ARMC2: variants seen among roughly 807,000 people sequenced by gnomAD.
The protein encoded by ARMC2 is armadillo repeat-containing protein 2.
Under a neutral mutation model 90.3 loss-of-function variants are expected in ARMC2, and 67 were observed. That is an observed-to-expected ratio of 0.74 (90% CI 0.61 to 0.91). The LOEUF (loss-of-function observed/expected upper bound fraction) is 0.91, where lower values mean the gene tolerates loss of function less well. Ranked by LOEUF, ARMC2 falls within the 40% of genes least tolerant of loss-of-function variation. The probability of loss-of-function intolerance (pLI) is 0.00; values close to 1 mark genes in which losing one functional copy is unlikely to be tolerated. For synonymous variants in ARMC2, 393 were observed against 393.0 expected (o/e 1.00, Z 0.00); for missense variants, 920 against 1,030.9 (o/e 0.89, Z 1.47).
the ARMC2 span, among the ~76,000 whole-genome samples, chr6:109,014,366 A>C: frequency 2.6e-5 from 4 of 152,186 alleles, no homozygotes; most frequent in Admixed American, 1.3e-4. Flanking sequence ...TTATTTTACA[A>C]ATTTGTGACA....
the ARMC2 span, among the ~76,000 whole-genome samples, chr6:109,023,232 C>G: frequency 6.6e-6 from 1 of 152,180 alleles, no homozygotes; most frequent in Non-Finnish European, 1.5e-5. Flanking sequence ...TTATGGTTCC[C>G]CTTTGAAACT....
chr6:109,008,167 G>A, the ARMC2 span, among the ~76,000 whole-genome samples: 1 of 152,108 alleles, frequency 6.6e-6, no homozygotes, highest in Non-Finnish European at 1.5e-5. Flanking sequence ...GCTATCTTTA[G>A]AAATTCTAGA....
intron 4 of ARMC2, among the ~76,000 whole-genome samples, chr6:108,871,101 G>T (rs1194192554): frequency 2.6e-5 from 4 of 152,190 alleles, no homozygotes; most frequent in African/African-American, 9.6e-5. Flanking sequence ...CCACATGGAA[G>T]GAAAAGCGAG....
chr6:108,880,173 C>T (rs1252289362), intron 5 of ARMC2: 3 of 356,618 alleles, frequency 8.4e-6, no homozygotes, highest in African/African-American at 4.3e-5. Context: ...GCAAACTTTA[C>T]ACTGCAGTAT....
intron 12 of ARMC2, among the ~76,000 whole-genome samples, chr6:108,937,994 C>T (rs372991647): frequency 4.6e-5 from 7 of 152,312 alleles, no homozygotes; most frequent in South Asian, 2.1e-4. Flanking sequence ...GCCACTGCAC[C>T]CGGCCACAGG....
chr6:108,942,105 C>T (rs1490007622), intron 12 of ARMC2, among the ~76,000 whole-genome samples: 1 of 152,118 alleles, frequency 6.6e-6, no homozygotes, highest in African/African-American at 2.4e-5. Context: ...CTGCCCTATC[C>T]ACTACTGCGA....
At chr6:108,987,647 ACAT>A in the ARMC2 span, 1 of 1,362,030 alleles carries the variant, frequency 7.3e-7, no homozygotes, top group East Asian at 2.3e-5. Context: ...ATAAAATACA[ACAT>A]CATATAAGGA....
At chr6:109,026,477 C>G in the ARMC2 span, among the ~76,000 whole-genome samples, 1 of 152,058 alleles carries the variant, frequency 6.6e-6, no homozygotes, top group Non-Finnish European at 1.5e-5. Flanking sequence ...AGTGGAATGG[C>G]TAAATCATAT....
Position 108,973,483 on chromosome 6 carries a change from T to C in ARMC2, c.2573T>C (p.Phe858Ser). 6.2e-7 allele frequency: 1 copy of C among 1,613,474 alleles called. No homozygotes were observed. The highest frequency in any genetic ancestry group is 8.5e-7 in the Non-Finnish European group (1 of 1,179,586). The change falls in exon 18 of 18, where the codon TTC becomes TCC. Residue 858 changes from phenylalanine to serine, a missense_variant. Transcript: ENST00000392644. Reference sequence around the variant, plus strand: ...AACCGAATTCAGAGACATCACACCTTCCTGGAACCCCTGCCCATTCCCTCT... The same window carrying C: ...AACCGAATTCAGAGACATCACACCTCCCTGGAACCCCTGCCCATTCCCTCT... ...LLNRIQRHHT[F>S]LEPLPIPSF
the ARMC2 span, among the ~76,000 whole-genome samples, chr6:109,008,525 A>G: frequency 2.6e-5 from 4 of 152,226 alleles, no homozygotes; most frequent in African/African-American, 9.7e-5. Context: ...TATACTGATA[A>G]TAGACTCCAT....
chr6:109,002,475 A>G, the ARMC2 span: 4 of 659,402 alleles, frequency 6.1e-6, no homozygotes, highest in African/African-American at 7.2e-5. Flanking sequence ...TCATGGCTGT[A>G]TATACATACC....
At chr6:108,892,725 C>T (rs1323775642) in intron 5 of ARMC2, among the ~76,000 whole-genome samples, 1 of 149,050 alleles carries the variant, frequency 6.7e-6, no homozygotes, top group Admixed American at 6.7e-5. Context: ...CGCCATTGCA[C>T]TCCAGCCTGG....
chr6:108,849,532 T>TA (rs962738344), intron 1 of ARMC2, among the ~76,000 whole-genome samples: 42 of 151,862 alleles, frequency 2.8e-4, no homozygotes, highest in Admixed American at 5.9e-4. Flanking sequence ...AGTATAATAA[T>TA]AAAAAAAAAC....
chr6:108,992,254 A>G, the ARMC2 span, among the ~76,000 whole-genome samples: 1 of 152,046 alleles, frequency 6.6e-6, no homozygotes, highest in African/African-American at 2.4e-5. Flanking sequence ...ACATGCCACC[A>G]CACCTGGCTA....
At chr6:108,873,277 T>C (rs1384199788) in intron 4 of ARMC2, among the ~76,000 whole-genome samples, 2 of 152,244 alleles carry the variant, frequency 1.3e-5, no homozygotes, top group African/African-American at 4.8e-5. Context: ...CCGTTCTTAG[T>C]TTGCAGGCTA....
chr6:108,942,177 A>G (rs1216326691), intron 12 of ARMC2, among the ~76,000 whole-genome samples: 4 of 152,254 alleles, frequency 2.6e-5, no homozygotes, highest in Admixed American at 2.6e-4. Context: ...AAGTAAGCTC[A>G]TAAGTGCTGG....
chr6:108,948,924 C>G (rs1776987322), intron 12 of ARMC2, among the ~76,000 whole-genome samples: 1 of 152,044 alleles, frequency 6.6e-6, no homozygotes, highest in Non-Finnish European at 1.5e-5. Flanking sequence ...GGCAAATCAA[C>G]ACGGATAGCT....
chr6:108,899,829 T>G lies in ARMC2; in HGVS notation c.847+37T>G, dbSNP rs564974999. 5.6e-6 allele frequency: 8 copies of G among 1,422,096 alleles called. No individual in the cohort carries two copies. The South Asian group carries it at 8.9e-5, about 16-fold the overall frequency. The allele number at this position is 1,422,096 out of a possible 1,614,324, so 88.1% of individuals were successfully genotyped here. The stretch of plus-strand genomic sequence containing the variant: ...ACAAACAAACAAAAAACCGTTTTTG[T>G]TTTTTTTTTAAAAAATACCTGTAGT... On this transcript the variant is annotated intron_variant, in intron 7 of 17. Coordinates refer to ENST00000392644, the MANE Select transcript of ARMC2 (RefSeq NM_032131.6).
intron 3 of ARMC2, among the ~76,000 whole-genome samples, chr6:108,867,396 G>A (rs921665465): frequency 6.6e-6 from 1 of 152,152 alleles, no homozygotes; most frequent in African/African-American, 2.4e-5. Flanking sequence ...TCTACTAAGA[G>A]TATCAGCATC....
Sources: gnomAD v4.1 joint callset for allele counts (sites outside exome capture counted in the v4.1 genomes callset) on GRCh38, gnomAD v4.1.1 for gene constraint, MANE v1.5 for transcripts, NCBI Gene and HGNC (gene_info 2026-07-23, HGNC 2026-07-21) for gene names.